TMEM185A: variants seen among roughly 807,000 people sequenced by gnomAD.
The protein encoded by TMEM185A is transmembrane protein 185A.
TMEM185A carries 9 observed loss-of-function variants against 25.0 expected under a neutral mutation model. The observed-to-expected ratio is 0.36, with a 90% CI of 0.22 to 0.63. The LOEUF is 0.63. TMEM185A is among the 20% of genes least tolerant of loss of function. TMEM185A has a pLI of 0.68. For missense variants in TMEM185A, 103 were observed against 237.4 expected, an observed-to-expected ratio of 0.43 and a Z score of 3.72; for synonymous variants, 45 against 93.5, an observed-to-expected ratio of 0.48 and a Z score of 2.99.
chrX:149,629,307 G>A (rs1181558142), intron 1 of TMEM185A, among the ~76,000 whole-genome samples: 2 of 111,432 alleles, frequency 1.8e-5, no homozygotes, highest in African/African-American at 6.6e-5. Flanking sequence ...GAGGCAGGGA[G>A]CAAAGCAGTA....
chrX:149,610,675 A>AAC (rs2090078616), intron 2 of TMEM185A, among the ~76,000 whole-genome samples: 5 of 111,468 alleles, frequency 4.5e-5, no homozygotes, highest in African/African-American at 1.6e-4. Flanking sequence ...GCCAACTCCC[A>AAC]GGAATTTGGG....
At chrX:149,631,340 AC>A (rs1388524047) in intron 1 of TMEM185A, among the ~76,000 whole-genome samples, 1 of 111,110 alleles carries the variant, frequency 9.0e-6, no homozygotes, top group Non-Finnish European at 1.9e-5. Context: ...GGCTGAAAGC[AC>A]CGGGCACGGG....
rs2090198664 is a variant in TMEM185A, at chrX:149,631,744, C to CCGCCGTCGCCGT, written c.-165_-164insACGGCGACGGCG. 1.6e-4 allele frequency: 3 copies of CCGCCGTCGCCGT among 18,336 alleles called. No individual in the cohort carries two copies. The East Asian group carries it at 1.8e-3, about 11-fold the overall frequency. The allele number at this position is 18,336 out of a possible 1,213,427, so 1.5% of individuals were successfully genotyped here. On this transcript the variant is annotated 5_prime_UTR_variant, in exon 1 of 7. Transcript: ENST00000600449. ...GCCGTCGCCGTCGCCGTCGCCGCCG[C>CCGCCGTCGCCGT]CGCCGCCGCCGCCGCCGCCGCCGCC...
At chrX:149,623,277 G>A (rs2090148319) in intron 1 of TMEM185A, among the ~76,000 whole-genome samples, 2 of 111,570 alleles carry the variant, frequency 1.8e-5, no homozygotes, top group African/African-American at 6.5e-5. Flanking sequence ...TAAGCCAGAA[G>A]TTGGCTGTGG....
At chrX:149,620,421 G>A (rs1486688483) in intron 1 of TMEM185A, among the ~76,000 whole-genome samples, 2 of 112,068 alleles carry the variant, frequency 1.8e-5, no homozygotes. Flanking sequence ...TAAACTAGAT[G>A]TGCATTCAGG....
intron 1 of TMEM185A, among the ~76,000 whole-genome samples, chrX:149,611,992 C>T (rs1397023587): frequency 8.9e-6 from 1 of 112,398 alleles, no homozygotes; most frequent in Non-Finnish European, 1.9e-5. Context: ...ATTCATATGG[C>T]ATGAACATTT....
At chrX:149,606,858 T>C (rs183843253) in intron 3 of TMEM185A, 1 of 112,553 alleles carries the variant, frequency 8.9e-6, no homozygotes, top group African/African-American at 3.2e-5. Flanking sequence ...TCAGGCCCAA[T>C]GCAGTCCTAG....
intron 1 of TMEM185A, among the ~76,000 whole-genome samples, chrX:149,624,048 T>G (rs1218556953): frequency 1.8e-5 from 2 of 112,909 alleles, no homozygotes; most frequent in Non-Finnish European, 3.7e-5. Context: ...TTTGAGTTAC[T>G]TTTCAAGAAA....
At position 149,602,734 on chromosome X, in the gene TMEM185A, GAT is replaced by G. The variant is rs782802098; in HGVS notation, c.507+1251_507+1252del. 6.2e-5 allele frequency among the ~76,000 whole-genome samples: 7 copies of G among 112,168 alleles called. No individual in the cohort carries two copies. The East Asian group carries it at 2.0e-3, about 31-fold the overall frequency. ...ATACGAAAAAATTTGGTCTTGTTTA[GAT>G]ATGTTTCCTTCACGTCACAACAGAA... On this transcript the variant is annotated intron_variant, in intron 4 of 6. Coordinates refer to ENST00000600449, the MANE Select transcript of TMEM185A (RefSeq NM_032508.4).
At chrX:149,610,291 G>A (rs1373494333) in intron 2 of TMEM185A, among the ~76,000 whole-genome samples, 2 of 107,642 alleles carry the variant, frequency 1.9e-5, no homozygotes, top group Non-Finnish European at 3.8e-5. Flanking sequence ...AGCTGGGCAT[G>A]GTGGCAGGTG....
At chrX:149,616,645 G>C (rs1396762042) in intron 1 of TMEM185A, among the ~76,000 whole-genome samples, 2 of 111,847 alleles carry the variant, frequency 1.8e-5, no homozygotes, top group East Asian at 5.6e-4. Context: ...ATCTTTAACA[G>C]GTTCCATGGA....
chrX:149,630,316 C>T (rs782481575), intron 1 of TMEM185A, among the ~76,000 whole-genome samples: 8 of 110,943 alleles, frequency 7.2e-5, no homozygotes, highest in Non-Finnish European at 1.5e-4. Context: ...ACAAATACTC[C>T]CCTAAAACTT....
chrX:149,612,544 C>G (rs782819910), intron 1 of TMEM185A, among the ~76,000 whole-genome samples: 2 of 112,554 alleles, frequency 1.8e-5, no homozygotes, highest in African/African-American at 6.4e-5. Context: ...GCTGGAATGA[C>G]TATATTAATA....
chrX:149,623,713 T>C (rs193171894), intron 1 of TMEM185A, among the ~76,000 whole-genome samples: 55 of 110,229 alleles, frequency 5.0e-4, no homozygotes, highest in African/African-American at 1.6e-3. Context: ...AAACTAAAAG[T>C]AGAAATATAG....
chrX:149,604,010 T>C lies in TMEM185A; in HGVS notation c.484A>G (p.Lys162Glu), dbSNP rs782083862. 19 of 1,207,771 alleles carry C rather than the reference T, an allele frequency of 1.6e-5. No homozygotes were observed. The highest frequency in any genetic ancestry group is 2.1e-5 in the Non-Finnish European group (19 of 893,874). ...QFIFIALRLD[K>E]IIHWPWLVVC... ...ACAAGCCAGGGCCAGTGGATGATCTTGTCCAGTCTTAAGGCAATGAATATA... is the reference window on the plus strand; with the variant it reads ...ACAAGCCAGGGCCAGTGGATGATCTCGTCCAGTCTTAAGGCAATGAATATA... Residue 162 changes from lysine (K) to glutamate (E), a missense_variant, in exon 4 of 7, where the codon AAG becomes GAG. Physicochemically the swap from Lys to Glu is moderately conservative, Grantham distance 56 (BLOSUM62 1). This residue lies in a region of TMEM185A where 102 missense variants were observed against 125.7 expected (regional missense o/e 0.81). Coordinates refer to ENST00000600449, the MANE Select transcript of TMEM185A (RefSeq NM_032508.4).
intron 1 of TMEM185A, among the ~76,000 whole-genome samples, chrX:149,630,681 C>T (rs782077478): frequency 8.9e-6 from 1 of 111,816 alleles, no homozygotes; most frequent in South Asian, 3.8e-4. Context: ...GTTCCACAAA[C>T]ATTTTATATG....
intron 4 of TMEM185A, among the ~76,000 whole-genome samples, chrX:149,602,655 C>T (rs138778812): frequency 2.8e-3 from 314 of 112,582 alleles, no homozygotes; most frequent in African/African-American, 9.7e-3. Context: ...TCTTTCTTCT[C>T]ATTTGTGGAA....
At chrX:149,615,459 A>T (rs1468646848) in intron 1 of TMEM185A, among the ~76,000 whole-genome samples, 1 of 111,946 alleles carries the variant, frequency 8.9e-6, no homozygotes, top group Non-Finnish European at 1.9e-5. Context: ...CCACAACAAT[A>T]AGATGATAAA....
intron 1 of TMEM185A, among the ~76,000 whole-genome samples, chrX:149,630,639 C>T (rs868939164): frequency 8.9e-6 from 1 of 111,856 alleles, no homozygotes; most frequent in African/African-American, 3.3e-5. Context: ...CATATGGCCT[C>T]GTCTCCAATC....
Sources: gnomAD v4.1 joint callset for allele counts (sites outside exome capture counted in the v4.1 genomes callset) on GRCh38, gnomAD v4.1.1 for gene constraint, gnomAD v4.1.1 regional missense constraint, MANE v1.5 for transcripts, NCBI Gene and HGNC (gene_info 2026-07-23, HGNC 2026-07-21) for gene names.